CDH13: variants seen among roughly 807,000 people sequenced by gnomAD.
The protein encoded by CDH13 is cadherin 13.
Under a neutral mutation model 63.8 loss-of-function variants are expected in CDH13, and 24 were observed. That is an observed-to-expected ratio of 0.38 (90% CI 0.27 to 0.53). The LOEUF (loss-of-function observed/expected upper bound fraction) is 0.53. CDH13 is among the 20% of genes least tolerant of loss of function. The pLI, the probability that CDH13 is intolerant of heterozygous loss-of-function variation, is 0.85. For synonymous variants in CDH13, 503 were observed against 355.3 expected (o/e 1.42, Z -4.67); for missense variants, 1,049 against 903.1 (o/e 1.16, Z -2.07).
At chr16:82,860,853 G>A (rs1259278730) in intron 2 of CDH13, among the ~76,000 whole-genome samples, 1 of 152,130 alleles carries the variant, frequency 6.6e-6, no homozygotes, top group African/African-American at 2.4e-5. Context: ...TATTCCACTT[G>A]CAAGTAGCGG....
intron 11 of CDH13, among the ~76,000 whole-genome samples, chr16:83,774,331 A>G (rs1254838987): frequency 6.6e-6 from 1 of 152,140 alleles, no homozygotes; most frequent in Non-Finnish European, 1.5e-5. Context: ...ACAGGAAGCT[A>G]AGAATCTCAA....
At chr16:83,460,858 G>GT (rs2073158369) in intron 6 of CDH13, among the ~76,000 whole-genome samples, 2 of 112,444 alleles carry the variant, frequency 1.8e-5, no homozygotes, top group South Asian at 3.1e-4. Flanking sequence ...AAAAAAAAAA[G>GT]TTGGGCATGG....
intron 1 of CDH13, among the ~76,000 whole-genome samples, chr16:82,763,430 C>T (rs915144068): frequency 6.6e-6 from 1 of 152,150 alleles, no homozygotes; most frequent in African/African-American, 2.4e-5. Context: ...ATTCCTAATC[C>T]TGGCAGAGCA....
At chr16:83,499,369 G>T (rs560136358) in intron 7 of CDH13, among the ~76,000 whole-genome samples, 1 of 152,320 alleles carries the variant, frequency 6.6e-6, no homozygotes, top group South Asian at 2.1e-4. Flanking sequence ...TTGGGACTAT[G>T]GTTGATTTTA....
In CDH13 at chr16:83,224,201, CAT is replaced by C. The variant is rs113798591; in HGVS notation, c.636+6713_636+6714del. ...TTTTGACGGCTGAGTACTATTCTACCATATATATATGTATGTATACACACACC... is the reference window on the plus strand; with the variant it reads ...TTTTGACGGCTGAGTACTATTCTACCATATATATGTATGTATACACACACC... On this transcript the variant is annotated intron_variant, in intron 5 of 13. Coordinates refer to ENST00000567109, the MANE Select transcript of CDH13 (RefSeq NM_001257.5). Among the ~76,000 whole-genome samples the C allele has an allele frequency of 3.7e-4, 56 of 152,220 alleles. 3 individuals are homozygous for C. The highest frequency in any genetic ancestry group is 1.3e-3 in the African/African-American group (54 of 41,530).
At chr16:83,208,107 A>C (rs2039235041) in intron 4 of CDH13, among the ~76,000 whole-genome samples, 1 of 152,098 alleles carries the variant, frequency 6.6e-6, no homozygotes, top group Non-Finnish European at 1.5e-5. Context: ...AGACAGCCCT[A>C]GGTGGCGTGA....
At chr16:83,065,025 GC>G (rs1053975721) in intron 3 of CDH13, among the ~76,000 whole-genome samples, 6 of 151,776 alleles carry the variant, frequency 4.0e-5, no homozygotes, top group Admixed American at 2.0e-4. Context: ...TGCACCCCCA[GC>G]CCCAGGTAAT....
chr16:82,975,055 C>T lies in CDH13; in HGVS notation c.158-56955C>T, dbSNP rs148856291. ...CCTCACGTCTGCACACCCTCGGCAT[C>T]ACTTGGCCCAACTCGTCTTTCTGAT... On this transcript the variant is annotated intron_variant, in intron 2 of 13. Transcript: ENST00000567109. 4.3e-4 allele frequency among the ~76,000 whole-genome samples: 65 copies of T among 152,342 alleles called. No individual in the cohort carries two copies. In the Middle Eastern group the frequency reaches 0.01, roughly 24 times the overall value.
intron 6 of CDH13, among the ~76,000 whole-genome samples, chr16:83,364,253 G>A (rs1296721756): frequency 6.6e-6 from 1 of 152,106 alleles, no homozygotes; most frequent in Admixed American, 6.6e-5. Flanking sequence ...TTTTCTGCCT[G>A]TGGATCTACC....
chr16:83,585,749 T>C (rs149522954), intron 7 of CDH13, among the ~76,000 whole-genome samples: 7 of 152,124 alleles, frequency 4.6e-5, no homozygotes, highest in Non-Finnish European at 7.4e-5. Context: ...AAAAAACTTA[T>C]CATTCTCCCA....
chr16:83,318,393 T>C (rs1460458347), intron 5 of CDH13, among the ~76,000 whole-genome samples: 1 of 152,232 alleles, frequency 6.6e-6, no homozygotes, highest in Non-Finnish European at 1.5e-5. Flanking sequence ...AAGTCATTTC[T>C]ACTGTTAAAA....
intron 5 of CDH13, among the ~76,000 whole-genome samples, chr16:83,220,859 T>C (rs920740037): frequency 1.3e-5 from 2 of 152,238 alleles, no homozygotes; most frequent in South Asian, 2.1e-4. Context: ...TAATCTGGAA[T>C]ACATTTGTCC....
At chr16:83,653,967 G>A (rs896020409) in intron 8 of CDH13, among the ~76,000 whole-genome samples, 2 of 152,264 alleles carry the variant, frequency 1.3e-5, no homozygotes, top group Admixed American at 6.5e-5. Flanking sequence ...TGAAATGAAC[G>A]AGTGGCTAGG....
rs945278694 is a variant in CDH13, at chr16:83,044,271, G to T, written c.366+12053G>T. 3.3e-5 allele frequency among the ~76,000 whole-genome samples: 5 copies of T among 152,280 alleles called. No individual in the cohort carries two copies. In the East Asian group the frequency reaches 9.6e-4, roughly 29 times the overall value. ...GTTGAGCTGGGCCTTCTGATTTTGT[G>T]GAGTCATTGCTATTTTGCTAATACT... On this transcript the variant is annotated intron_variant, in intron 3 of 13. Transcript: ENST00000567109.
intron 3 of CDH13, among the ~76,000 whole-genome samples, chr16:83,056,175 C>A (rs1021655105): frequency 6.6e-6 from 1 of 152,158 alleles, no homozygotes; most frequent in Non-Finnish European, 1.5e-5. Context: ...CTATTATACA[C>A]ACATGTGAAA....
chr16:82,853,292 A>G (rs2039567652), intron 1 of CDH13, among the ~76,000 whole-genome samples: 1 of 152,230 alleles, frequency 6.6e-6, no homozygotes. Flanking sequence ...TAAACAGTCT[A>G]TTCACTGAAC....
chr16:82,921,162 A>C lies in CDH13; in HGVS notation c.157+62689A>C, dbSNP rs1006163175. ...TCTGTGGCTGCTGTAACAGATTACC[A>C]TAAATTTGGTGGCTTAAAACAAGAA... On this transcript the variant is annotated intron_variant, in intron 2 of 13. Coordinates refer to ENST00000567109, the MANE Select transcript of CDH13 (RefSeq NM_001257.5). Among the ~76,000 whole-genome samples the C allele has an allele frequency of 3.3e-5, 5 of 152,204 alleles. No individual in the cohort carries two copies. The South Asian group carries it at 1.0e-3, about 31-fold the overall frequency.
chr16:82,719,032 C>G (rs1237206898), intron 1 of CDH13, among the ~76,000 whole-genome samples: 1 of 152,150 alleles, frequency 6.6e-6, no homozygotes, highest in Non-Finnish European at 1.5e-5. Flanking sequence ...TTTGAATATC[C>G]TTCACACTGA....
intron 10 of CDH13, among the ~76,000 whole-genome samples, chr16:83,732,630 C>G (rs539785693): frequency 6.6e-6 from 1 of 152,310 alleles, no homozygotes; most frequent in African/African-American, 2.4e-5. Context: ...GAGCCACATT[C>G]TTCCTGGCAA....
Sources: allele counts gnomAD v4.1 joint callset (sites outside exome capture counted in the v4.1 genomes callset), GRCh38; gene constraint gnomAD v4.1.1; transcripts MANE v1.5; gene names NCBI Gene and HGNC (gene_info 2026-07-23, HGNC 2026-07-21).